Variants in KCND3 observed in about 807,000 individuals in gnomAD.
KCND3 encodes the protein potassium voltage-gated channel subfamily D member 3.
In KCND3, 9 loss-of-function variants were observed where a neutral mutation model predicts 51.1. The observed-to-expected ratio is 0.18, with a 90% CI of 0.11 to 0.31. The LOEUF is 0.31. Ranked by LOEUF, KCND3 falls within the 10% of genes least tolerant of loss-of-function variation. KCND3 has a pLI of 1.00. For missense variants in KCND3, 526 were observed against 903.8 expected (o/e 0.58, Z 5.36); for synonymous variants, 349 against 368.0 (o/e 0.95, Z 0.59).
intron 2 of KCND3, among the ~76,000 whole-genome samples, chr1:111,907,585 C>G (rs912049202): frequency 6.6e-6 from 1 of 152,172 alleles, no homozygotes; most frequent in Non-Finnish European, 1.5e-5. Flanking sequence ...CCAGAGGCAC[C>G]CAACTAAGCC....
intron 2 of KCND3, among the ~76,000 whole-genome samples, chr1:111,934,965 C>T (rs959451479): frequency 2.0e-4 from 30 of 152,312 alleles, no homozygotes; most frequent in African/African-American, 7.2e-4. Context: ...ATTAGCTATT[C>T]TTCTGATTTA....
At chr1:111,829,687 G>A (rs1025654745) in intron 2 of KCND3, among the ~76,000 whole-genome samples, 6 of 151,968 alleles carry the variant, frequency 3.9e-5, no homozygotes, top group East Asian at 3.9e-4. Flanking sequence ...CCCTCGTCCC[G>A]CCCTCCATTC....
At chr1:111,856,572 C>T (rs139349092) in intron 2 of KCND3, among the ~76,000 whole-genome samples, 97 of 152,362 alleles carry the variant, frequency 6.4e-4, no homozygotes, top group African/African-American at 2.0e-3. Flanking sequence ...GCCAGACCCC[C>T]CCTTGCACAT....
At chr1:111,920,619 C>CCCCA (rs1040016100) in intron 2 of KCND3, among the ~76,000 whole-genome samples, 7 of 152,168 alleles carry the variant, frequency 4.6e-5, no homozygotes, top group Non-Finnish European at 7.3e-5. Context: ...GGGGTCCAGC[C>CCCCA]CAGGGCTGGT....
At chr1:111,844,145 C>CT (rs1418349086) in intron 2 of KCND3, among the ~76,000 whole-genome samples, 1 of 152,108 alleles carries the variant, frequency 6.6e-6, no homozygotes, top group Non-Finnish European at 1.5e-5. Flanking sequence ...CTCAACCACT[C>CT]AACATTTTAA....
chr1:111,809,527 C>T (rs1342931165), intron 2 of KCND3, among the ~76,000 whole-genome samples: 1 of 152,102 alleles, frequency 6.6e-6, no homozygotes, highest in Non-Finnish European at 1.5e-5. Flanking sequence ...CCAGGATGGT[C>T]TCAATCTCCT....
At chr1:111,892,798 ACTAT>A (rs1460607169) in intron 2 of KCND3, among the ~76,000 whole-genome samples, 2 of 152,250 alleles carry the variant, frequency 1.3e-5, no homozygotes, top group Non-Finnish European at 2.9e-5. Flanking sequence ...CTGAATGATA[ACTAT>A]CTACTGAACC....
intron 2 of KCND3, among the ~76,000 whole-genome samples, chr1:111,880,131 C>A (rs1669236357): frequency 6.6e-6 from 1 of 152,116 alleles, no homozygotes; most frequent in Non-Finnish European, 1.5e-5. Flanking sequence ...GAATAGTTTA[C>A]CCTTCTTTGT....
chr1:111,935,474 T>G (rs1040221931), intron 2 of KCND3, among the ~76,000 whole-genome samples: 3 of 149,356 alleles, frequency 2.0e-5, no homozygotes, highest in Non-Finnish European at 4.5e-5. Context: ...TATTTGATTA[T>G]AATTGCCCAG....
At chr1:111,882,085 C>G (rs1226926548) in intron 2 of KCND3, among the ~76,000 whole-genome samples, 1 of 152,190 alleles carries the variant, frequency 6.6e-6, no homozygotes, top group East Asian at 1.9e-4. Flanking sequence ...AGACTGGCTG[C>G]TGGCTGTTGG....
chr1:111,963,910 C>T (rs1673815938), intron 2 of KCND3, among the ~76,000 whole-genome samples: 1 of 152,224 alleles, frequency 6.6e-6, no homozygotes, highest in African/African-American at 2.4e-5. Flanking sequence ...AGCAAAACCT[C>T]AGCTTCTCTC....
At chr1:111,908,249 C>T (rs1358110201) in intron 2 of KCND3, among the ~76,000 whole-genome samples, 1 of 152,230 alleles carries the variant, frequency 6.6e-6, no homozygotes. Context: ...TTAATCCTCA[C>T]AAATGCTTGC....
At chr1:111,855,131 G>C (rs1248950021) in intron 2 of KCND3, among the ~76,000 whole-genome samples, 2 of 152,190 alleles carry the variant, frequency 1.3e-5, no homozygotes, top group African/African-American at 2.4e-5. Flanking sequence ...TTAGGCCCAT[G>C]GGGGAGGTTA....
At chr1:111,819,778 G>C (rs2101594354) in intron 2 of KCND3, among the ~76,000 whole-genome samples, 1 of 152,316 alleles carries the variant, frequency 6.6e-6, no homozygotes, top group Admixed American at 6.5e-5. Context: ...ACCTGTCACT[G>C]GCTTGCCCCA....
intron 2 of KCND3, among the ~76,000 whole-genome samples, chr1:111,884,643 C>T (rs1160040269): frequency 6.6e-6 from 1 of 152,202 alleles, no homozygotes; most frequent in Non-Finnish European, 1.5e-5. Context: ...AATCTGGGGA[C>T]TCTCCCCATG....
At chr1:111,849,433 C>T (rs1362769953) in intron 2 of KCND3, among the ~76,000 whole-genome samples, 1 of 152,234 alleles carries the variant, frequency 6.6e-6, no homozygotes, top group African/African-American at 2.4e-5. Flanking sequence ...GGGTGGGTCT[C>T]TTGCTCCCAA....
chr1:111,896,078 C>T (rs1557704223), intron 2 of KCND3, among the ~76,000 whole-genome samples: 1 of 152,234 alleles, frequency 6.6e-6, no homozygotes, highest in African/African-American at 2.4e-5. Flanking sequence ...CGCGTTCATT[C>T]ACTTCTCTTC....
intron 2 of KCND3, among the ~76,000 whole-genome samples, chr1:111,883,356 TA>T (rs1349491256): frequency 1.3e-5 from 2 of 152,380 alleles, no homozygotes; most frequent in East Asian, 3.9e-4. Flanking sequence ...CCTGGAGAAT[TA>T]CACAAACATT....
At chr1:111,856,575 T>A (rs1668083473) in intron 2 of KCND3, among the ~76,000 whole-genome samples, 3 of 152,194 alleles carry the variant, frequency 2.0e-5, no homozygotes, top group Admixed American at 1.3e-4. Flanking sequence ...AGACCCCCCC[T>A]TGCACATGGT....
Sources: allele counts gnomAD v4.1 joint callset (sites outside exome capture counted in the v4.1 genomes callset), GRCh38; gene constraint gnomAD v4.1.1; transcripts MANE v1.5; gene names NCBI Gene and HGNC (gene_info 2026-07-23, HGNC 2026-07-21).